The following COLEC12 variants were observed in gnomAD, a reference collection of about 807,000 sequenced individuals.
The protein encoded by COLEC12 is collectin subfamily member 12, also known as collectin-12.
COLEC12 carries 33 observed loss-of-function variants against 71.1 expected under a neutral mutation model. That is an observed-to-expected ratio of 0.46 (90% CI 0.35 to 0.62). The LOEUF is 0.62. Ranked by LOEUF, COLEC12 falls within the 20% of genes least tolerant of loss-of-function variation. COLEC12 has a pLI of 0.00. For missense variants in COLEC12, 765 were observed against 916.1 expected, an observed-to-expected ratio of 0.84 and a Z score of 2.13; for synonymous variants, 350 against 353.0, an observed-to-expected ratio of 0.99 and a Z score of 0.10.
At chr18:491,141 G>A (rs1245076104) in intron 1 of COLEC12, among the ~76,000 whole-genome samples, 1 of 152,188 alleles carries the variant, frequency 6.6e-6, no homozygotes, top group Non-Finnish European at 1.5e-5. Flanking sequence ...GCAGGTCCTT[G>A]CCCCTGTATC....
At chr18:483,942 AC>A (rs1440535536) in intron 1 of COLEC12, among the ~76,000 whole-genome samples, 1 of 152,036 alleles carries the variant, frequency 6.6e-6, no homozygotes, top group Admixed American at 6.5e-5. Flanking sequence ...TATCCTTTCC[AC>A]CACTGTGCCA....
intron 3 of COLEC12, among the ~76,000 whole-genome samples, chr18:353,876 G>A (rs1360271811): frequency 6.6e-6 from 1 of 152,164 alleles, no homozygotes; most frequent in Non-Finnish European, 1.5e-5. Flanking sequence ...GTGTTATCCT[G>A]GATCCTAAAG....
chr18:419,635 T>C (rs543976668), intron 2 of COLEC12, among the ~76,000 whole-genome samples: 4 of 152,366 alleles, frequency 2.6e-5, no homozygotes, highest in African/African-American at 9.6e-5. Context: ...TGAACTGCAG[T>C]TGAATATCTA....
At chr18:383,196 G>C (rs1915271930) in intron 2 of COLEC12, among the ~76,000 whole-genome samples, 1 of 152,040 alleles carries the variant, frequency 6.6e-6, no homozygotes, top group Non-Finnish European at 1.5e-5. Context: ...CAGAATTAAA[G>C]GTGAATTTTT....
Position 424,955 on chromosome 18 carries a change from C to T in COLEC12, c.58+55752G>A, listed in dbSNP as rs1024234599. On this transcript the variant is annotated intron_variant, in intron 2 of 9. Transcript: ENST00000400256. ...CCTCATGGGTGTGGGGGAGAGGAGG[C>T]GAGCCGGGCGGCCTTCCCTTACTCA... 4.6e-5 allele frequency among the ~76,000 whole-genome samples: 7 copies of T among 152,022 alleles called. No individual in the cohort carries two copies. The South Asian group carries it at 6.2e-4, about 14-fold the overall frequency.
Position 399,595 on chromosome 18 carries a change from C to G in COLEC12, c.59-42073G>C, listed in dbSNP as rs1915639574. On this transcript the variant is annotated intron_variant, in intron 2 of 9. Transcript: ENST00000400256. The surrounding 1 kb of genome is among the most constrained non-coding windows in gnomAD (Gnocchi z 4.0). Reference sequence around the variant, plus strand: ...AGATGGTCTCCACCCTCATCTGAAGCTTTTGTCTAAGTCTCCCTGGCAGGT... The same window carrying G: ...AGATGGTCTCCACCCTCATCTGAAGGTTTTGTCTAAGTCTCCCTGGCAGGT... Among the ~76,000 whole-genome samples, 1 of 152,242 alleles carries G rather than the reference C, an allele frequency of 6.6e-6. No homozygotes were observed.
At chr18:459,633 C>A (rs1365398296) in intron 2 of COLEC12, among the ~76,000 whole-genome samples, 1 of 152,250 alleles carries the variant, frequency 6.6e-6, no homozygotes, top group Non-Finnish European at 1.5e-5. Flanking sequence ...TCTGGTGCAG[C>A]AGGTGCCCTA....
At chr18:373,299 C>T (rs1373392370) in intron 2 of COLEC12, among the ~76,000 whole-genome samples, 5 of 152,120 alleles carry the variant, frequency 3.3e-5, no homozygotes, top group African/African-American at 4.8e-5. Flanking sequence ...CCACAGTGAC[C>T]GCTGGAAAGG....
At chr18:347,769 T>A (rs1914417487) in intron 4 of COLEC12, among the ~76,000 whole-genome samples, 1 of 152,220 alleles carries the variant, frequency 6.6e-6, no homozygotes. Context: ...CTCAGTAAAT[T>A]CCTATTTATG....
intron 3 of COLEC12, among the ~76,000 whole-genome samples, chr18:348,654 A>C (rs1914439119): frequency 6.6e-6 from 1 of 152,160 alleles, no homozygotes. Context: ...ATCGGCATAG[A>C]AAGGTTGCAA....
intron 1 of COLEC12, among the ~76,000 whole-genome samples, chr18:489,705 G>A (rs1470977942): frequency 6.6e-6 from 1 of 152,120 alleles, no homozygotes; most frequent in Admixed American, 6.5e-5. Flanking sequence ...GCTGTGAGTC[G>A]CACTGACATT....
At position 407,944 on chromosome 18, in the gene COLEC12, C is replaced by T. The variant is rs185583382; in HGVS notation, c.59-50422G>A. Among the ~76,000 whole-genome samples, 420 of 152,304 alleles carry T rather than the reference C, an allele frequency of 2.8e-3. 1 individual carries two copies. The highest frequency in any genetic ancestry group is 9.4e-3 in the African/African-American group (392 of 41,568). On this transcript the variant is annotated intron_variant, in intron 2 of 9. Coordinates refer to ENST00000400256, the MANE Select transcript of COLEC12 (RefSeq NM_130386.3). ...GCCTGACATTTATATTTTTAAAAAGCTCCCCAGGTGATCTGGATATATAGT... is the reference window on the plus strand; with the variant it reads ...GCCTGACATTTATATTTTTAAAAAGTTCCCCAGGTGATCTGGATATATAGT...
intron 2 of COLEC12, among the ~76,000 whole-genome samples, chr18:418,746 G>T (rs1408785518): frequency 6.6e-6 from 1 of 152,180 alleles, no homozygotes; most frequent in Non-Finnish European, 1.5e-5. Flanking sequence ...TACCAGATAT[G>T]GTCTAAAAAG....
rs952988659 is a variant in COLEC12 at position 406,536 on chromosome 18, A to G, written c.59-49014T>C. On this transcript the variant is annotated intron_variant, in intron 2 of 9. Coordinates refer to ENST00000400256, the MANE Select transcript of COLEC12 (RefSeq NM_130386.3). ...GTCTCAAAAAAAAAAAAAAAAAAAA[A>G]AAAAGGGCAACCAGCAGCTCCCGGG... Among the ~76,000 whole-genome samples, 32 of 146,072 alleles carry G rather than the reference A, an allele frequency of 2.2e-4. 1 individual carries two copies. The highest frequency in any genetic ancestry group is 3.5e-4 in the Non-Finnish European group (23 of 65,974).
intron 5 of COLEC12, among the ~76,000 whole-genome samples, chr18:337,627 C>T (rs565006218): frequency 6.3e-4 from 96 of 152,318 alleles, no homozygotes; most frequent in African/African-American, 2.3e-3. Context: ...GATGAACTCA[C>T]TTCTACCTAG....
intron 4 of COLEC12, 131 bp from the exon 5 acceptor site, chr18:347,472 C>A: frequency 1.4e-6 from 1 of 698,878 alleles, no homozygotes; most frequent in Non-Finnish European, 2.4e-6. Flanking sequence ...AAGCGGACAG[C>A]TCTGCATTAG....
chr18:391,068 C>T (rs1052960114), intron 2 of COLEC12, among the ~76,000 whole-genome samples: 3 of 152,190 alleles, frequency 2.0e-5, no homozygotes, highest in African/African-American at 7.2e-5. Context: ...GGTTTTATTA[C>T]AAAGCCATTT....
rs1232418081 is a variant in COLEC12, at chr18:319,320, TTAAAAA to T, written c.*719_*724del. ...TTGGTTCCTCTGAGGAAATGAAACATTAAAAAAAAAAAAAAAAAAAAATATATATAT... is the reference window on the plus strand; with the variant it reads ...TTGGTTCCTCTGAGGAAATGAAACATAAAAAAAAAAAAAAAATATATATAT... On this transcript the variant is annotated 3_prime_UTR_variant, in exon 10 of 10. Transcript: ENST00000400256. 1.2e-4 allele frequency: 1 copy of T among 8,600 alleles called. No homozygotes were observed. Among genetic ancestry groups the T allele is most frequent in the African/African-American group, 2.7e-4 (1 of 3,772 alleles). 0.5% of individuals were successfully genotyped at this position (8,600 alleles called of 1,614,324 possible).
At chr18:360,899 C>T (rs2143509280) in intron 2 of COLEC12, among the ~76,000 whole-genome samples, 1 of 152,242 alleles carries the variant, frequency 6.6e-6, no homozygotes, top group East Asian at 1.9e-4. Context: ...CTTATAGCCA[C>T]CTGTATGTCT....
Sources: allele counts gnomAD v4.1 joint callset (sites outside exome capture counted in the v4.1 genomes callset), GRCh38; gene constraint gnomAD v4.1.1; non-coding constraint Gnocchi (gnomAD v3.1); transcripts MANE v1.5; gene names NCBI Gene and HGNC (gene_info 2026-07-23, HGNC 2026-07-21).